CRTC3: variants seen among roughly 807,000 people sequenced by gnomAD.
CRTC3 encodes CREB-regulated transcription coactivator 3.
CRTC3 carries 26 observed loss-of-function variants against 74.5 expected under a neutral mutation model. That is an observed-to-expected ratio of 0.35 (90% CI 0.26 to 0.48). The LOEUF is 0.48. CRTC3 is among the 20% of genes least tolerant of loss of function. CRTC3 has a pLI of 0.99. For synonymous variants in CRTC3, 377 were observed against 325.8 expected (o/e 1.16, Z -1.69); for missense variants, 760 against 787.3 (o/e 0.97, Z 0.41).
At chr15:90,633,399 T>C (rs1281641667) in intron 11 of CRTC3, among the ~76,000 whole-genome samples, 2 of 152,208 alleles carry the variant, frequency 1.3e-5, no homozygotes, top group African/African-American at 4.8e-5. Context: ...ATTTAATTAT[T>C]ATTTGGCTGA....
At chr15:90,579,560 T>C (rs1438065177) in intron 2 of CRTC3, among the ~76,000 whole-genome samples, 4 of 152,122 alleles carry the variant, frequency 2.6e-5, no homozygotes, top group Non-Finnish European at 4.4e-5. Context: ...AAAAATTCTT[T>C]AGCATTTCTC....
chr15:90,562,732 G>A (rs11857213), intron 2 of CRTC3, among the ~76,000 whole-genome samples: 3 of 151,876 alleles, frequency 2.0e-5, no homozygotes, highest in Non-Finnish European at 2.9e-5. Flanking sequence ...GTCTTAACTC[G>A]CCTGAACTGA....
In CRTC3 at chr15:90,614,545, C is replaced by T. The variant is rs571615465; in HGVS notation, c.613+57C>T. On this transcript the variant is annotated intron_variant, in intron 7 of 14. Coordinates refer to ENST00000268184, the MANE Select transcript of CRTC3 (RefSeq NM_022769.5). ...GTGGGATGCTGATTAGTGGACATAA[C>T]CTTTCAATACCTTTACTAATAAATA... is the stretch of plus-strand genomic sequence containing the variant. 163 of 1,075,144 alleles carry T rather than the reference C, an allele frequency of 1.5e-4. No homozygotes were observed. The East Asian group carries it at 3.9e-3, about 26-fold the overall frequency. The allele number at this position is 1,075,144 out of a possible 1,614,324, so 66.6% of individuals were successfully genotyped here.
intron 2 of CRTC3, among the ~76,000 whole-genome samples, chr15:90,585,698 G>C (rs1344080878): frequency 6.6e-6 from 1 of 152,174 alleles, no homozygotes; most frequent in Non-Finnish European, 1.5e-5. Context: ...GGAAAGAGCA[G>C]AATTCCACTC....
chr15:90,553,527 A>G (rs1344607834), intron 2 of CRTC3, among the ~76,000 whole-genome samples: 2 of 152,224 alleles, frequency 1.3e-5, no homozygotes, highest in Admixed American at 6.5e-5. Flanking sequence ...AGAAAAGTAG[A>G]TAACTCATGA....
intron 9 of CRTC3, among the ~76,000 whole-genome samples, chr15:90,624,635 T>C (rs914167623): frequency 2.0e-5 from 3 of 152,236 alleles, no homozygotes; most frequent in Admixed American, 1.3e-4. Flanking sequence ...GTGTCACTTA[T>C]ATGCACTGGT....
intron 3 of CRTC3, chr15:90,596,589 A>T (rs543643322): frequency 6.6e-6 from 1 of 152,362 alleles, no homozygotes; most frequent in Non-Finnish European, 1.5e-5. Flanking sequence ...ACATCGGTTG[A>T]TGCAAAGAAA....
chr15:90,598,177 C>A (rs772551958), intron 3 of CRTC3: 34 of 465,404 alleles, frequency 7.3e-5, no homozygotes, highest in Non-Finnish European at 1.9e-5. Context: ...GGCTTCCAGG[C>A]TGCCCCGACA....
chr15:90,583,585 T>G (rs1325482373), intron 2 of CRTC3, among the ~76,000 whole-genome samples: 1 of 152,204 alleles, frequency 6.6e-6, no homozygotes, highest in Non-Finnish European at 1.5e-5. Context: ...GTCTAATCAC[T>G]TCTGCGAGAC....
intron 2 of CRTC3, among the ~76,000 whole-genome samples, chr15:90,579,353 G>C (rs969091323): frequency 6.6e-6 from 1 of 152,138 alleles, no homozygotes; most frequent in Non-Finnish European, 1.5e-5. Context: ...ACTGGGGACC[G>C]ACAGCCTTGG....
chr15:90,602,649 AACAAAAC>A lies in CRTC3; in HGVS notation c.413+266_413+272del, dbSNP rs550222083. On this transcript the variant is annotated intron_variant, in intron 4 of 14. Coordinates refer to ENST00000268184, the MANE Select transcript of CRTC3 (RefSeq NM_022769.5). ...GCCATCTCTTAAAAACAAACAAACA[AACAAAAC>A]AACAACAACAACAACAACAACAACA... 9.9e-3 allele frequency among the ~76,000 whole-genome samples: 469 copies of A among 47,496 alleles called. 3 individuals are homozygous for A. The highest frequency in any genetic ancestry group is 0.035 in the African/African-American group (308 of 8,920). The allele number at this position is 47,496 out of a possible 152,430, so 31.2% of individuals were successfully genotyped here.
At chr15:90,558,270 A>T (rs974449063) in intron 2 of CRTC3, among the ~76,000 whole-genome samples, 8 of 152,104 alleles carry the variant, frequency 5.3e-5, no homozygotes, top group African/African-American at 1.9e-4. Context: ...GAGCCTCCTG[A>T]CTGGGCTTCT....
intron 10 of CRTC3, among the ~76,000 whole-genome samples, chr15:90,628,185 C>G (rs1968908189): frequency 6.6e-6 from 1 of 151,420 alleles, no homozygotes; most frequent in African/African-American, 2.4e-5. Flanking sequence ...TCACTGCACT[C>G]CAGCCTGGGT....
At chr15:90,623,590 G>A (rs566725192) in intron 9 of CRTC3, among the ~76,000 whole-genome samples, 6 of 152,154 alleles carry the variant, frequency 3.9e-5, no homozygotes, top group Admixed American at 1.3e-4. Context: ...CTGCTGGAGC[G>A]TTCAGCAGAG....
intron 2 of CRTC3, among the ~76,000 whole-genome samples, chr15:90,565,489 C>G (rs1283991605): frequency 2.0e-5 from 3 of 152,132 alleles, no homozygotes; most frequent in African/African-American, 7.2e-5. Flanking sequence ...GCAATGTGCT[C>G]TTGTATACAG....
intron 9 of CRTC3, among the ~76,000 whole-genome samples, 156 bp from the exon 10 acceptor site, chr15:90,625,620 C>T (rs921660225): frequency 4.6e-5 from 7 of 152,064 alleles, no homozygotes; most frequent in South Asian, 2.1e-4. Context: ...GAGGTTAAGC[C>T]GAGCACCAGT....
chr15:90,601,014 A>T (rs1482541326), intron 3 of CRTC3, among the ~76,000 whole-genome samples: 2 of 152,174 alleles, frequency 1.3e-5, no homozygotes, highest in African/African-American at 4.8e-5. Context: ...AGCAGAAGAG[A>T]CCATTGTCCC....
intron 2 of CRTC3, among the ~76,000 whole-genome samples, chr15:90,551,085 G>A (rs917984175): frequency 6.6e-6 from 1 of 152,024 alleles, no homozygotes; most frequent in African/African-American, 2.4e-5. Context: ...GACAGTGTTG[G>A]GGTTACATAA....
chr15:90,644,878 T>TA lies in CRTC3; in HGVS notation c.*2739dup, dbSNP rs1254443043. On this transcript the variant is annotated 3_prime_UTR_variant, in exon 15 of 15. Coordinates refer to ENST00000268184, the MANE Select transcript of CRTC3 (RefSeq NM_022769.5). ...AATCGACCATTGTACTACTCTCACT[T>TA]ACAGCAGTTAAACAGCATAGAACTA... 8 of 232,394 alleles carry TA rather than the reference T, an allele frequency of 3.4e-5. No individual in the cohort carries two copies. The East Asian group carries it at 4.3e-4, about 12-fold the overall frequency. 14.4% of individuals were successfully genotyped at this position (232,394 alleles called of 1,614,324 possible). A position where few individuals can be genotyped will look rare whatever the true frequency, so the allele number is the denominator to read the frequency against.
Sources: gnomAD v4.1 joint callset for allele counts (sites outside exome capture counted in the v4.1 genomes callset) on GRCh38, gnomAD v4.1.1 for gene constraint, MANE v1.5 for transcripts, NCBI Gene and HGNC (gene_info 2026-07-23, HGNC 2026-07-21) for gene names.